Variants in ACTR3B observed in about 807,000 individuals in gnomAD.
ACTR3B encodes actin related protein 3B.
Under a neutral mutation model 59.0 loss-of-function variants are expected in ACTR3B, and 8 were observed. The ratio of observed to expected loss-of-function variants is 0.14; its 90% confidence interval spans 0.08 to 0.24. The LOEUF is 0.24. Ranked by LOEUF, ACTR3B falls within the 10% of genes least tolerant of loss-of-function variation. The pLI is 1.00. For missense variants in ACTR3B, 245 were observed against 552.3 expected (o/e 0.44, Z 5.58); for synonymous variants, 148 against 197.9 (o/e 0.75, Z 2.12).
chr7:152,790,290 C>G (rs1409911702), intron 2 of ACTR3B, among the ~76,000 whole-genome samples: 5 of 152,238 alleles, frequency 3.3e-5, no homozygotes, highest in Non-Finnish European at 7.3e-5. Context: ...ACCCCACCTA[C>G]TCTTAATAGG....
intron 4 of ACTR3B, chr7:152,811,451 C>T (rs1172777149): frequency 3.3e-5 from 5 of 152,042 alleles, no homozygotes; most frequent in African/African-American, 1.2e-4. Context: ...TTTGACTTCA[C>T]ATCTCTTAAT....
At position 152,814,288 on chromosome 7, in the gene ACTR3B, A is replaced by G. The variant is rs962945980; in HGVS notation, c.337-262A>G. On this transcript the variant is annotated intron_variant, in intron 4 of 11. Transcript: ENST00000256001. ...TTTAGGTGTTACGTTATTGAAGATAAGAGTTTCTTTTTCTGTAACTTGTTC... is the reference window on the plus strand; with the variant it reads ...TTTAGGTGTTACGTTATTGAAGATAGGAGTTTCTTTTTCTGTAACTTGTTC... The G allele has an allele frequency of 2.0e-4, 81 of 397,654 alleles. 1 individual carries two copies. Among genetic ancestry groups the G allele is most frequent in the African/African-American group, 1.5e-3 (71 of 46,334 alleles). 24.6% of individuals were successfully genotyped at this position (397,654 alleles called of 1,614,324 possible). A position where few individuals can be genotyped will look rare whatever the true frequency, so the allele number is the denominator to read the frequency against.
In ACTR3B at chr7:152,821,011, C is replaced by T. The variant is rs1796103359; in HGVS notation, c.684+569C>T. ...CTGAGGCTGGCTGAAGGAAAGGAAGCACCAGAGATGATTCCCGAGGTGTTT... is the reference window on the plus strand; with the variant it reads ...CTGAGGCTGGCTGAAGGAAAGGAAGTACCAGAGATGATTCCCGAGGTGTTT... On this transcript the variant is annotated intron_variant, in intron 7 of 11. Coordinates refer to ENST00000256001, the MANE Select transcript of ACTR3B (RefSeq NM_020445.6). 2.0e-5 allele frequency among the ~76,000 whole-genome samples: 3 copies of T among 152,178 alleles called. No homozygotes were observed. The South Asian group carries it at 6.2e-4, about 31-fold the overall frequency.
chr7:152,779,200 G>A (rs1590223490), intron 1 of ACTR3B, among the ~76,000 whole-genome samples: 1 of 152,154 alleles, frequency 6.6e-6, no homozygotes, highest in Non-Finnish European at 1.5e-5. Context: ...GCGGGTGAGC[G>A]AGGGGTGTTA....
At chr7:152,802,904 A>G (rs1331597915) in intron 4 of ACTR3B, among the ~76,000 whole-genome samples, 2 of 152,216 alleles carry the variant, frequency 1.3e-5, no homozygotes, top group African/African-American at 4.8e-5. Flanking sequence ...TATGTATTTA[A>G]TGTATATTAA....
intron 7 of ACTR3B, among the ~76,000 whole-genome samples, chr7:152,822,998 A>G (rs1476014045): frequency 6.6e-6 from 1 of 152,252 alleles, no homozygotes; most frequent in South Asian, 2.1e-4. Flanking sequence ...GTGCCAGAGC[A>G]GGCCATAGGA....
At chr7:152,836,251 T>C (rs552558662) in intron 9 of ACTR3B, among the ~76,000 whole-genome samples, 54 of 152,344 alleles carry the variant, frequency 3.5e-4, no homozygotes, top group African/African-American at 1.3e-3. Context: ...TCAGTAAATA[T>C]TTGTTAAACT....
At chr7:152,853,086 C>T (rs768288135) in intron 10 of ACTR3B, among the ~76,000 whole-genome samples, 4 of 151,992 alleles carry the variant, frequency 2.6e-5, no homozygotes, top group Admixed American at 6.6e-5. Context: ...CTACCACGCC[C>T]GGCCAGAAAA....
intron 1 of ACTR3B, among the ~76,000 whole-genome samples, chr7:152,767,876 A>G (rs2098114807): frequency 1.3e-5 from 2 of 152,076 alleles, no homozygotes; most frequent in African/African-American, 4.8e-5. Flanking sequence ...GAATGCTCAT[A>G]TTATTTGTAT....
intron 5 of ACTR3B, among the ~76,000 whole-genome samples, chr7:152,816,071 C>T (rs1240851477): frequency 1.3e-5 from 2 of 152,078 alleles, no homozygotes; most frequent in Non-Finnish European, 2.9e-5. Flanking sequence ...CTCAGTCTCC[C>T]GAGTAGCTGG....
intron 1 of ACTR3B, among the ~76,000 whole-genome samples, chr7:152,780,727 A>T (rs2098149960): frequency 6.6e-6 from 1 of 151,956 alleles, no homozygotes; most frequent in Non-Finnish European, 1.5e-5. Context: ...TGTTTCATAC[A>T]TTTCATTCTC....
At chr7:152,792,059 T>G (rs970178229) in intron 2 of ACTR3B, among the ~76,000 whole-genome samples, 4 of 152,042 alleles carry the variant, frequency 2.6e-5, no homozygotes, top group African/African-American at 9.7e-5. Context: ...GCCCGGCTAA[T>G]TTTTGTATTT....
intron 2 of ACTR3B, among the ~76,000 whole-genome samples, chr7:152,795,076 C>G (rs1401956141): frequency 6.7e-6 from 1 of 150,136 alleles, no homozygotes; most frequent in Non-Finnish European, 1.5e-5. Flanking sequence ...ACTTTGTCAC[C>G]CAGGCTGGAG....
At chr7:152,774,198 G>A (rs1245937744) in intron 1 of ACTR3B, among the ~76,000 whole-genome samples, 11 of 152,152 alleles carry the variant, frequency 7.2e-5, no homozygotes, top group South Asian at 2.1e-4. Context: ...GTGCAATGGC[G>A]TGATCTCAAC....
chr7:152,834,819 C>T (rs1797314855), intron 9 of ACTR3B, among the ~76,000 whole-genome samples: 1 of 152,208 alleles, frequency 6.6e-6, no homozygotes, highest in East Asian at 1.9e-4. Flanking sequence ...TGAGAATCTG[C>T]TGGCGAGTGA....
chr7:152,800,200 G>A (rs529228539), intron 2 of ACTR3B, among the ~76,000 whole-genome samples: 2 of 152,122 alleles, frequency 1.3e-5, no homozygotes, highest in Non-Finnish European at 2.9e-5. Context: ...TTTTAAATTT[G>A]GAACCTACTG....
intron 1 of ACTR3B, among the ~76,000 whole-genome samples, chr7:152,762,473 C>T (rs1458992381): frequency 6.6e-6 from 1 of 152,194 alleles, no homozygotes; most frequent in Non-Finnish European, 1.5e-5. Context: ...CTCTGTATGT[C>T]CATACATATT....
chr7:152,853,017 T>C (rs991865577), intron 10 of ACTR3B, among the ~76,000 whole-genome samples: 9 of 152,092 alleles, frequency 5.9e-5, no homozygotes, highest in African/African-American at 2.2e-4. Flanking sequence ...GGTCTCGATC[T>C]CCTGACCTTG....
Position 152,823,462 on chromosome 7 carries a change from A to T in ACTR3B, c.805A>T (p.Ile269Leu), listed in dbSNP as rs771060022. The T allele has an allele frequency of 6.2e-7, 1 of 1,614,228 alleles. No homozygotes were observed. The change falls in exon 8 of 12, where the codon ATA becomes TTA. Residue 269 changes from isoleucine to leucine, a missense_variant. This residue lies in a region of ACTR3B where 153 missense variants were observed against 266.2 expected (regional missense o/e 0.57). Coordinates refer to ENST00000256001, the MANE Select transcript of ACTR3B (RefSeq NM_020445.6). ...INAINQKKFVIDVGYERFLGP... is the reference protein window; with the variant it reads ...INAINQKKFVLDVGYERFLGP... ...TGCGATCAACCAGAAGAAGTTTGTT[A>T]TAGACGTTGGTTACGAAAGATTCCT...
Sources: allele counts gnomAD v4.1 joint callset (sites outside exome capture counted in the v4.1 genomes callset), GRCh38; gene constraint gnomAD v4.1.1; regional missense constraint gnomAD v4.1.1; transcripts MANE v1.5; gene names NCBI Gene and HGNC (gene_info 2026-07-23, HGNC 2026-07-21).